Variants in ST6GAL1 observed in about 807,000 individuals in gnomAD.
The protein encoded by ST6GAL1 is ST6 beta-galactoside alpha-2,6-sialyltransferase 1, also known as beta-galactoside alpha-2,6-sialyltransferase 1.
A neutral mutation model predicts 38.0 loss-of-function variants in ST6GAL1; 20 were observed. The observed-to-expected ratio is 0.53, with a 90% CI of 0.37 to 0.77. The LOEUF is 0.77. Among genes scored for constraint, ST6GAL1 ranks in the 30% least tolerant of loss-of-function variants. The pLI is 0.00. For synonymous variants in ST6GAL1, 196 were observed against 188.2 expected, an observed-to-expected ratio of 1.04 and a Z score of -0.34; for missense variants, 432 against 496.4, an observed-to-expected ratio of 0.87 and a Z score of 1.23.
chr3:186,975,783 G>A (rs1281453949), intron 2 of ST6GAL1, among the ~76,000 whole-genome samples: 1 of 152,218 alleles, frequency 6.6e-6, no homozygotes, highest in Non-Finnish European at 1.5e-5. Flanking sequence ...TGTGCCAAAC[G>A]CCACAGAAGT....
intron 2 of ST6GAL1, among the ~76,000 whole-genome samples, chr3:186,983,729 T>TG (rs1715769406): frequency 6.6e-6 from 1 of 152,186 alleles, no homozygotes; most frequent in South Asian, 2.1e-4. Flanking sequence ...TAGGCACTTT[T>TG]GGGGATACAG....
chr3:186,956,350 C>A, intron 1 of ST6GAL1, among the ~76,000 whole-genome samples: 1 of 151,906 alleles, frequency 6.6e-6, no homozygotes, highest in East Asian at 1.9e-4. Context: ...TAAATCTATG[C>A]CTGTAAAATG....
intron 2 of ST6GAL1, among the ~76,000 whole-genome samples, chr3:187,003,980 G>A (rs542590817): frequency 4.6e-4 from 70 of 152,298 alleles, no homozygotes; most frequent in African/African-American, 1.3e-3. Flanking sequence ...ATGTTGAAAT[G>A]TAACCCCCAG....
chr3:187,008,391 A>G (rs1716851327), intron 2 of ST6GAL1, among the ~76,000 whole-genome samples: 1 of 151,884 alleles, frequency 6.6e-6, no homozygotes, highest in Non-Finnish European at 1.5e-5. Context: ...GAAGGAAGGA[A>G]GGAAGAAACC....
chr3:186,999,770 G>T (rs1716553283), intron 2 of ST6GAL1, among the ~76,000 whole-genome samples: 1 of 152,114 alleles, frequency 6.6e-6, no homozygotes, highest in South Asian at 2.1e-4. Flanking sequence ...TGCTCTGGGG[G>T]CAACAAACTT....
At chr3:186,938,882 CAT>C in intron 1 of ST6GAL1, among the ~76,000 whole-genome samples, 1 of 152,124 alleles carries the variant, frequency 6.6e-6, no homozygotes, top group Non-Finnish European at 1.5e-5. Flanking sequence ...ATTTCAGTCA[CAT>C]GATACATATT....
chr3:187,051,411 T>C, intron 5 of ST6GAL1, 65 bp downstream of exon 5: 2 of 1,460,742 alleles, frequency 1.4e-6, no homozygotes, highest in Non-Finnish European at 1.9e-6. Context: ...TAATGTGGAA[T>C]GTATCTACTG....
chr3:186,986,592 G>T (rs766906503), intron 2 of ST6GAL1: 3 of 152,182 alleles, frequency 2.0e-5, no homozygotes, highest in Admixed American at 6.6e-5. Context: ...CTTTTCGGCA[G>T]CTGTATGTGG....
At chr3:186,987,888 C>T (rs1716009267) in intron 2 of ST6GAL1, among the ~76,000 whole-genome samples, 1 of 152,170 alleles carries the variant, frequency 6.6e-6, no homozygotes, top group South Asian at 2.1e-4. Flanking sequence ...GTTATTGGGG[C>T]TCGTATTTAA....
chr3:187,010,848 C>A (rs1302524705), intron 2 of ST6GAL1, among the ~76,000 whole-genome samples: 1 of 152,178 alleles, frequency 6.6e-6, no homozygotes, highest in Non-Finnish European at 1.5e-5. Flanking sequence ...GTTTACTTTC[C>A]TGTAACCATT....
chr3:187,042,398 G>A (rs1015119607), intron 3 of ST6GAL1, among the ~76,000 whole-genome samples: 4 of 152,124 alleles, frequency 2.6e-5, no homozygotes, highest in African/African-American at 9.7e-5. Flanking sequence ...GACATATAAA[G>A]TGTTCATGGC....
chr3:186,976,222 C>T (rs1479573312), intron 2 of ST6GAL1, among the ~76,000 whole-genome samples: 1 of 152,162 alleles, frequency 6.6e-6, no homozygotes, highest in Non-Finnish European at 1.5e-5. Flanking sequence ...GATTTCTCAT[C>T]TTCAGTTGGT....
At chr3:187,037,245 G>A (rs183119248) in intron 2 of ST6GAL1, among the ~76,000 whole-genome samples, 7 of 152,114 alleles carry the variant, frequency 4.6e-5, no homozygotes, top group South Asian at 2.1e-4. Context: ...AGAAAACTGC[G>A]GACGAATGTA....
rs148908808 is a variant in ST6GAL1, at chr3:186,990,243, A to G, written c.-183+26317A>G. Among the ~76,000 whole-genome samples the G allele has an allele frequency of 2.7e-3, 406 of 152,310 alleles. 4 individuals carry two copies. The highest frequency in any genetic ancestry group is 7.7e-3 in the African/African-American group (321 of 41,560). On this transcript the variant is annotated intron_variant, in intron 2 of 7. Transcript: ENST00000169298. Reference sequence around the variant, plus strand: ...GAGACAGGGTTTCACCATATTGGCCAGGCTGGTCTCGAACTCCTGACCTCA... The same window carrying G: ...GAGACAGGGTTTCACCATATTGGCCGGGCTGGTCTCGAACTCCTGACCTCA...
At chr3:186,999,413 CTTTT>C (rs35693392) in intron 2 of ST6GAL1, among the ~76,000 whole-genome samples, 3 of 138,352 alleles carry the variant, frequency 2.2e-5, no homozygotes, top group Admixed American at 7.2e-5. Context: ...ACTATAATCT[CTTTT>C]TTTTTTTTTT....
intron 2 of ST6GAL1, among the ~76,000 whole-genome samples, chr3:186,981,509 T>C (rs1715698110): frequency 6.6e-6 from 1 of 152,230 alleles, no homozygotes; most frequent in East Asian, 1.9e-4. Context: ...GTAACCTGCA[T>C]GAAGTCTTCT....
At chr3:186,998,785 T>G (rs75043386) in intron 2 of ST6GAL1, among the ~76,000 whole-genome samples, 10,798 of 152,308 alleles carry the variant, frequency 0.071, 431 homozygotes, top group Middle Eastern at 0.15. Flanking sequence ...ATTTTTACAC[T>G]TACAGCACGT....
At chr3:187,000,198 A>C (rs1716569825) in intron 2 of ST6GAL1, among the ~76,000 whole-genome samples, 1 of 152,100 alleles carries the variant, frequency 6.6e-6, no homozygotes. Context: ...GTCACTTGTA[A>C]TCATAGTCTG....
chr3:186,937,242 CG>C (rs1713993745), intron 1 of ST6GAL1, among the ~76,000 whole-genome samples: 1 of 152,074 alleles, frequency 6.6e-6, no homozygotes, highest in Admixed American at 6.6e-5. Context: ...ATCAGCTGTT[CG>C]GCGTCTCCAA....
Sources: gnomAD v4.1 joint callset for allele counts (sites outside exome capture counted in the v4.1 genomes callset) on GRCh38, gnomAD v4.1.1 for gene constraint, MANE v1.5 for transcripts, NCBI Gene and HGNC (gene_info 2026-07-23, HGNC 2026-07-21) for gene names.